The following DDHD1 variants were observed in gnomAD, a reference collection of about 807,000 sequenced individuals.
The protein encoded by DDHD1 is phospholipase DDHD1.
In DDHD1, 49 loss-of-function variants were observed where a neutral mutation model predicts 96.4. That is an observed-to-expected ratio of 0.51 (90% CI 0.40 to 0.64). The LOEUF is 0.64. Ranked by LOEUF, DDHD1 falls within the 30% of genes least tolerant of loss-of-function variation. The probability of loss-of-function intolerance (pLI) is 0.00; values close to 1 mark genes in which losing one functional copy is unlikely to be tolerated. For synonymous variants in DDHD1, 442 were observed against 446.5 expected (o/e 0.99, Z 0.13); for missense variants, 1,106 against 1,161.2 (o/e 0.95, Z 0.69).
At chr14:53,060,656 A>C (rs1883464619) in intron 8 of DDHD1, among the ~76,000 whole-genome samples, 1 of 152,106 alleles carries the variant, frequency 6.6e-6, no homozygotes, top group Admixed American at 6.6e-5. Flanking sequence ...AATATTTCTC[A>C]TCTGTCTCTA....
chr14:53,056,046 T>C lies in DDHD1; in HGVS notation c.1993-134A>G, dbSNP rs889998101. 4 of 725,346 alleles carry C rather than the reference T, an allele frequency of 5.5e-6. No individual in the cohort carries two copies. In the African/African-American group the frequency reaches 7.1e-5, roughly 13 times the overall value. 44.9% of individuals were successfully genotyped at this position (725,346 alleles called of 1,614,324 possible). A position where few individuals can be genotyped will look rare whatever the true frequency, so the allele number is the denominator to read the frequency against. Reference sequence around the variant, plus strand: ...ATTTAATTAAAAAACAATAGCTATTTCAAACATGTATTTCTATTTGTTCAC... The same window carrying C: ...ATTTAATTAAAAAACAATAGCTATTCCAAACATGTATTTCTATTTGTTCAC... On this transcript the variant is annotated intron_variant, in intron 9 of 12. Transcript: ENST00000673822.
chr14:53,102,959 G>T, intron 2 of DDHD1: 1 of 1,449,184 alleles, frequency 6.9e-7, no homozygotes, highest in Non-Finnish European at 9.4e-7. Context: ...TAGCATGGAT[G>T]AAGAAACGGT....
chr14:53,102,925 C>T, intron 2 of DDHD1: 5 of 1,132,516 alleles, frequency 4.4e-6, no homozygotes, highest in Non-Finnish European at 6.3e-6. Flanking sequence ...GTAGAGCTTG[C>T]CAAGAAACCT....
intron 1 of DDHD1, among the ~76,000 whole-genome samples, chr14:53,133,386 C>T (rs1414390520): frequency 3.9e-5 from 6 of 152,204 alleles, no homozygotes; most frequent in African/African-American, 9.6e-5. Context: ...CATACTTCCT[C>T]GGTTTGGCCT....
Position 53,103,711 on chromosome 14 carries a change from T to A in DDHD1, c.984A>T (p.Glu328Asp), listed in dbSNP as rs751106730. 1 of 1,612,866 alleles carries A rather than the reference T, an allele frequency of 6.2e-7. No individual in the cohort carries two copies. The highest frequency in any genetic ancestry group is 8.5e-7 in the Non-Finnish European group (1 of 1,179,658). ...CTTTTCCATCTATGGATTTTGACAC[T>A]TCAATATCGAAATTTTCCTGCATCT... ...GQQMQENFDIEVSKSIDGKDA... is the reference protein window; with the variant it reads ...GQQMQENFDIDVSKSIDGKDA... The change falls in exon 2 of 13, where the codon GAA becomes GAT. Residue 328 changes from glutamate (E) to aspartate (D), a missense_variant. Glu to Asp is a conservative substitution (Grantham distance 45). Coordinates refer to ENST00000673822, the MANE Select transcript of DDHD1 (RefSeq NM_001160148.2).
intron 1 of DDHD1, among the ~76,000 whole-genome samples, chr14:53,147,624 T>C (rs1195163865): frequency 6.6e-6 from 1 of 152,132 alleles, no homozygotes; most frequent in Non-Finnish European, 1.5e-5. Context: ...CTGTGCATTC[T>C]AAAATGCACT....
intron 2 of DDHD1, 34 bp downstream of exon 2, chr14:53,103,649 T>C (rs748324625): frequency 6.6e-7 from 1 of 1,522,416 alleles, no homozygotes; most frequent in African/African-American, 1.4e-5. Flanking sequence ...TTACTTGGTT[T>C]GTAGAATATA....
At position 53,061,116 on chromosome 14, in the gene DDHD1, C is replaced by T. The variant is rs1424026683; in HGVS notation, c.1842+10G>A. ...GATCAATGTTGAAGAACACATTGCT[C>T]TTTCCTTACCTTAAATTTTAAGGCA... On this transcript the variant is annotated intron_variant, in intron 8 of 12. Transcript: ENST00000673822. 2 of 1,604,762 alleles carry T rather than the reference C, an allele frequency of 1.2e-6. No individual in the cohort carries two copies. The highest frequency in any genetic ancestry group is 1.7e-4 in the Middle Eastern group (1 of 6,038).
Position 53,153,207 on chromosome 14 carries a change from C to T in DDHD1, c.-109G>A. ...TCTCCACCCGAAGTTTCTAATCTTTCAAATCCCGACCCGAGCTGCGGCGGC... is the reference window on the plus strand; with the variant it reads ...TCTCCACCCGAAGTTTCTAATCTTTTAAATCCCGACCCGAGCTGCGGCGGC... On this transcript the variant is annotated 5_prime_UTR_variant, in exon 1 of 13. It removes the in-frame stop codon of an upstream open reading frame in the 5' UTR. Coordinates refer to ENST00000673822, the MANE Select transcript of DDHD1 (RefSeq NM_001160148.2). 9.8e-7 allele frequency: 1 copy of T among 1,024,556 alleles called. No individual in the cohort carries two copies. The highest frequency in any genetic ancestry group is 1.3e-6 in the Non-Finnish European group (1 of 771,976). The allele number at this position is 1,024,556 out of a possible 1,614,324, so 63.5% of individuals were successfully genotyped here. A position where few individuals can be genotyped will look rare whatever the true frequency, so the allele number is the denominator to read the frequency against.
At chr14:53,141,937 T>A (rs1398371366) in intron 1 of DDHD1, among the ~76,000 whole-genome samples, 2 of 152,198 alleles carry the variant, frequency 1.3e-5, no homozygotes, top group Non-Finnish European at 2.9e-5. Context: ...TATTTTTTTT[T>A]AATTCCCAGA....
chr14:53,080,197 T>C (rs1885339722), intron 4 of DDHD1, among the ~76,000 whole-genome samples: 1 of 152,068 alleles, frequency 6.6e-6, no homozygotes, highest in African/African-American at 2.4e-5. Context: ...CCAACTCTAC[T>C]AAAAAAACAT....
rs1436977371 is a variant in DDHD1, at chr14:53,045,836, GC to G, written c.*931del. On this transcript the variant is annotated 3_prime_UTR_variant, in exon 13 of 13. Coordinates refer to ENST00000673822, the MANE Select transcript of DDHD1 (RefSeq NM_001160148.2). ...CACATCCCTTCATATATGTTGTTTG[GC>G]ACACAAATGTTTATACATTTAAAAT... 1 of 152,012 alleles carries G rather than the reference GC, an allele frequency of 6.6e-6. No individual in the cohort carries two copies. Among genetic ancestry groups the G allele is most frequent in the African/African-American group, 2.4e-5 (1 of 41,376 alleles). The allele number at this position is 152,012 out of a possible 1,614,324, so 9.4% of individuals were successfully genotyped here. A position where few individuals can be genotyped will look rare whatever the true frequency, so the allele number is the denominator to read the frequency against.
rs78982574 is a variant in DDHD1 at position 53,112,603 on chromosome 14, T to C, written c.839-8747A>G. Among the ~76,000 whole-genome samples, 871 of 152,348 alleles carry C rather than the reference T, an allele frequency of 5.7e-3. 7 individuals carry two copies. Among genetic ancestry groups the C allele is most frequent in the African/African-American group, 0.02 (840 of 41,580 alleles). On this transcript the variant is annotated intron_variant, in intron 1 of 12. Coordinates refer to ENST00000673822, the MANE Select transcript of DDHD1 (RefSeq NM_001160148.2). ...TATTCAACACCTATATCTCTTATTC[T>C]ACATTACTAATATAACTTACTTATC...
intron 1 of DDHD1, among the ~76,000 whole-genome samples, chr14:53,147,846 A>G (rs1891102325): frequency 6.6e-6 from 1 of 152,226 alleles, no homozygotes; most frequent in African/African-American, 2.4e-5. Context: ...TATTGGAGAC[A>G]GAAACTGGTC....
Position 53,071,265 on chromosome 14 carries a change from A to G in DDHD1, c.1503+1332T>C, listed in dbSNP as rs551101585. Among the ~76,000 whole-genome samples, 3 of 152,272 alleles carry G rather than the reference A, an allele frequency of 2.0e-5. No homozygotes were observed. The East Asian group carries it at 5.8e-4, about 29-fold the overall frequency. ...AAATAATTTCTACTGCATGGTTTTT[A>G]GAACAAAAATTGGGGCCATATATGA... On this transcript the variant is annotated intron_variant, in intron 6 of 12. Coordinates refer to ENST00000673822, the MANE Select transcript of DDHD1 (RefSeq NM_001160148.2).
At chr14:53,134,597 TA>T (rs35451633) in intron 1 of DDHD1, among the ~76,000 whole-genome samples, 4,522 of 127,920 alleles carry the variant, frequency 0.035, 206 homozygotes, top group African/African-American at 0.12. Flanking sequence ...TACTCACTGC[TA>T]AAAAAAAAAA....
intron 1 of DDHD1, among the ~76,000 whole-genome samples, chr14:53,147,698 C>G (rs1891090980): frequency 6.6e-6 from 1 of 152,114 alleles, no homozygotes. Context: ...GTACTGTAAA[C>G]CGAGCAGTCA....
chr14:53,087,041 C>A, intron 4 of DDHD1, among the ~76,000 whole-genome samples: 1 of 134,856 alleles, frequency 7.4e-6, no homozygotes. Flanking sequence ...TTTAAACCAA[C>A]AAAGATCGAA....
intron 6 of DDHD1, among the ~76,000 whole-genome samples, chr14:53,071,012 A>C (rs1313424687): frequency 1.3e-5 from 2 of 152,206 alleles, no homozygotes; most frequent in Non-Finnish European, 2.9e-5. Flanking sequence ...CAGAATTCAG[A>C]AACTAAAATG....
Sources: allele counts gnomAD v4.1 joint callset (sites outside exome capture counted in the v4.1 genomes callset), GRCh38; gene constraint gnomAD v4.1.1; transcripts MANE v1.5; gene names NCBI Gene and HGNC (gene_info 2026-07-23, HGNC 2026-07-21).